Variants in FRMD4A observed in about 807,000 individuals in gnomAD.
FRMD4A encodes the protein FERM domain-containing protein 4A.
In FRMD4A, 29 loss-of-function variants were observed where a neutral mutation model predicts 129.1. The ratio of observed to expected loss-of-function variants is 0.22; its 90% CI spans 0.17 to 0.31. The LOEUF is 0.31. Among genes scored for constraint, FRMD4A ranks in the 10% least tolerant of loss-of-function variants. FRMD4A has a pLI of 1.00. For missense variants in FRMD4A, 1,272 were observed against 1,375.8 expected (o/e 0.92, Z 1.19); for synonymous variants, 634 against 571.6 (o/e 1.11, Z -1.56).
At chr10:13,953,353 C>A (rs147572413) in intron 2 of FRMD4A, among the ~76,000 whole-genome samples, 18 of 152,150 alleles carry the variant, frequency 1.2e-4, no homozygotes, top group Non-Finnish European at 2.1e-4. Flanking sequence ...TAACTACATA[C>A]CATAGTCCCC....
At chr10:14,185,678 G>A (rs576857255) in intron 2 of FRMD4A, among the ~76,000 whole-genome samples, 10 of 152,330 alleles carry the variant, frequency 6.6e-5, no homozygotes, top group Admixed American at 3.3e-4. Flanking sequence ...ATGAGCAGAA[G>A]AGAGGATAGC....
At chr10:13,885,912 T>C (rs529955534) in intron 2 of FRMD4A, among the ~76,000 whole-genome samples, 3 of 148,574 alleles carry the variant, frequency 2.0e-5, no homozygotes, top group Admixed American at 6.7e-5. Context: ...TCTCTCCTTC[T>C]CTCTCTCTCT....
intron 23 of FRMD4A, 103 bp downstream of exon 23, chr10:13,654,313 C>A (rs752064198): frequency 2.4e-6 from 2 of 818,442 alleles, no homozygotes; most frequent in Admixed American, 1.8e-5. Flanking sequence ...CAGTGATGAA[C>A]CCTCATCATC....
At chr10:14,025,594 T>G (rs1163047984) in intron 2 of FRMD4A, among the ~76,000 whole-genome samples, 1 of 152,146 alleles carries the variant, frequency 6.6e-6, no homozygotes, top group Non-Finnish European at 1.5e-5. Context: ...TTTTGGGGCC[T>G]TAAGGATAGT....
At position 14,329,877 on chromosome 10, in the gene FRMD4A, C is replaced by T. The variant is rs967085293; in HGVS notation, c.45+181G>A. On this transcript the variant is annotated intron_variant, in intron 2 of 24. Coordinates refer to ENST00000357447, the MANE Select transcript of FRMD4A (RefSeq NM_018027.5). ...AAATGGCAAATCTACAGCTTCTTTT[C>T]CCTGCAAGTGCTTTGTCATGCTGAT... is the stretch of plus-strand genomic sequence containing the variant. 5.3e-5 allele frequency among the ~76,000 whole-genome samples: 8 copies of T among 152,174 alleles called. No homozygotes were observed. The East Asian group carries it at 1.5e-3, about 29-fold the overall frequency.
chr10:13,669,312 C>T (rs2083323884), intron 17 of FRMD4A, among the ~76,000 whole-genome samples: 1 of 152,154 alleles, frequency 6.6e-6, no homozygotes, highest in Admixed American at 6.5e-5. Flanking sequence ...TCTGCGCACT[C>T]TGGCCTCCCA....
At chr10:14,144,036 G>A (rs1329710426) in intron 2 of FRMD4A, among the ~76,000 whole-genome samples, 1 of 152,156 alleles carries the variant, frequency 6.6e-6, no homozygotes, top group Non-Finnish European at 1.5e-5. Context: ...GAGGTTTTAA[G>A]AGTTAGAATA....
At chr10:13,852,249 A>ATTT (rs879712876) in intron 3 of FRMD4A, among the ~76,000 whole-genome samples, 1 of 146,840 alleles carries the variant, frequency 6.8e-6, no homozygotes, top group African/African-American at 2.5e-5. Flanking sequence ...TAAGATTTTA[A>ATTT]TTTTTTTTTT....
At chr10:13,773,201 C>T (rs1418245529) in intron 6 of FRMD4A, among the ~76,000 whole-genome samples, 1 of 152,204 alleles carries the variant, frequency 6.6e-6, no homozygotes, top group African/African-American at 2.4e-5. Context: ...CATAACTTTT[C>T]CCCAAACCTG....
intron 5 of FRMD4A, among the ~76,000 whole-genome samples, chr10:13,792,689 T>C (rs1418911655): frequency 6.6e-6 from 1 of 152,172 alleles, no homozygotes; most frequent in Non-Finnish European, 1.5e-5. Flanking sequence ...GCCTCTCCAG[T>C]CTTTATCCTT....
At chr10:14,100,763 C>A (rs1016796733) in intron 2 of FRMD4A, among the ~76,000 whole-genome samples, 8 of 152,030 alleles carry the variant, frequency 5.3e-5, no homozygotes, top group South Asian at 4.1e-4. Context: ...ATTTCCCCCA[C>A]CCTACTTCCT....
intron 2 of FRMD4A, among the ~76,000 whole-genome samples, chr10:13,860,623 G>T (rs542555452): frequency 6.6e-6 from 1 of 152,260 alleles, no homozygotes; most frequent in South Asian, 2.1e-4. Context: ...AAGAAAGGAT[G>T]CGCATCAGTA....
intron 2 of FRMD4A, chr10:14,083,944 C>T (rs555283958): frequency 1.4e-4 from 21 of 152,228 alleles, no homozygotes; most frequent in Admixed American, 1.4e-3. Context: ...GATTCAAGCC[C>T]TGGAGTGAAT....
At chr10:14,284,451 G>A (rs1270782888) in intron 2 of FRMD4A, among the ~76,000 whole-genome samples, 2 of 152,028 alleles carry the variant, frequency 1.3e-5, no homozygotes, top group African/African-American at 4.8e-5. Context: ...CATCAAGACC[G>A]TCCTGGCTAA....
intron 12 of FRMD4A, among the ~76,000 whole-genome samples, chr10:13,715,963 C>T (rs1249148026): frequency 1.3e-5 from 2 of 149,936 alleles, no homozygotes; most frequent in African/African-American, 4.9e-5. Context: ...CCGTCAATTA[C>T]ATACCAATAT....
intron 14 of FRMD4A, among the ~76,000 whole-genome samples, chr10:13,695,599 T>C (rs2086147952): frequency 6.6e-6 from 1 of 152,228 alleles, no homozygotes; most frequent in African/African-American, 2.4e-5. Flanking sequence ...GCTTTGCCAG[T>C]ACACAGAACT....
chr10:14,118,610 C>T (rs1281617911), intron 2 of FRMD4A, among the ~76,000 whole-genome samples: 1 of 152,176 alleles, frequency 6.6e-6, no homozygotes, highest in Non-Finnish European at 1.5e-5. Flanking sequence ...CACAGTTCCA[C>T]ATGGCTATGG....
chr10:13,661,091 G>T (rs2082608234), intron 19 of FRMD4A, among the ~76,000 whole-genome samples: 1 of 152,166 alleles, frequency 6.6e-6, no homozygotes. Flanking sequence ...GGTGGATCGG[G>T]TGTCTACTCT....
At chr10:13,872,502 C>T (rs1423168599) in intron 2 of FRMD4A, among the ~76,000 whole-genome samples, 1 of 152,222 alleles carries the variant, frequency 6.6e-6, no homozygotes, top group African/African-American at 2.4e-5. Flanking sequence ...TTAGGAATAC[C>T]CATGCACGAT....
Sources: gnomAD v4.1 joint callset for allele counts (sites outside exome capture counted in the v4.1 genomes callset) on GRCh38, gnomAD v4.1.1 for gene constraint, MANE v1.5 for transcripts, NCBI Gene and HGNC (gene_info 2026-07-23, HGNC 2026-07-21) for gene names.